The following RBFOX1 variants were observed in gnomAD, a reference collection of about 807,000 sequenced individuals.
The protein encoded by RBFOX1 is RNA binding protein fox-1 homolog 1.
RBFOX1 carries 8 observed loss-of-function variants against 57.7 expected under a neutral mutation model. The observed-to-expected ratio is 0.14, with a 90% CI of 0.08 to 0.25. The LOEUF is 0.25. Ranked by LOEUF, RBFOX1 falls within the 10% of genes least tolerant of loss-of-function variation. The pLI is 1.00. For missense variants in RBFOX1, 611 were observed against 548.5 expected (o/e 1.11, Z -1.14); for synonymous variants, 326 against 222.4 (o/e 1.47, Z -4.15).
intron 2 of RBFOX1, among the ~76,000 whole-genome samples, chr16:5,598,637 C>G (rs2047265770): frequency 6.6e-6 from 1 of 151,852 alleles, no homozygotes; most frequent in Non-Finnish European, 1.5e-5. Context: ...TCATCATGTC[C>G]TGAAAACCCA....
intron 4 of RBFOX1, among the ~76,000 whole-genome samples, chr16:7,356,981 G>C (rs914859918): frequency 5.9e-5 from 9 of 152,182 alleles, no homozygotes; most frequent in Non-Finnish European, 1.3e-4. Context: ...TGTGAATGCT[G>C]AGGGCCCCTC....
rs534158429 is a variant in RBFOX1 at position 7,310,075 on chromosome 16, G to A, written c.28-208072G>A. On this transcript the variant is annotated intron_variant, in intron 4 of 15. Transcript: ENST00000550418. ...TGCCTCACCCAGCCCTATTGAGGGC[G>A]GCTGTGTCAGATAGGGTCAGCTCTC... Among the ~76,000 whole-genome samples the A allele has an allele frequency of 7.2e-5, 11 of 152,196 alleles. No homozygotes were observed. In the East Asian group the frequency reaches 9.6e-4, roughly 13 times the overall value.
In RBFOX1 at chr16:5,573,851, G is replaced by A. The variant is rs999228992; in HGVS notation, c.259-25051G>A. On this transcript the variant is annotated intron_variant, in intron 2 of 2. Coordinates refer to the RBFOX1 transcript ENST00000585867. ...TGCCTGTAGTCCCAGCTACTTGGGA[G>A]GCTGATGTGTGAGGATCACCTGAGC... 7.2e-5 allele frequency among the ~76,000 whole-genome samples: 11 copies of A among 152,174 alleles called. No individual in the cohort carries two copies. The East Asian group carries it at 2.1e-3, about 29-fold the overall frequency.
At chr16:5,365,054 C>G (rs1388674683) in intron 1 of RBFOX1, among the ~76,000 whole-genome samples, 1 of 152,082 alleles carries the variant, frequency 6.6e-6, no homozygotes, top group Non-Finnish European at 1.5e-5. Flanking sequence ...GGTGATTCCT[C>G]AGGGAGGGAG....
At chr16:7,261,164 G>T (rs193215193) in intron 4 of RBFOX1, among the ~76,000 whole-genome samples, 9 of 152,272 alleles carry the variant, frequency 5.9e-5, no homozygotes, top group Admixed American at 5.9e-4. Flanking sequence ...AGCTCCAGCC[G>T]CAGTTCTTGC....
At chr16:7,372,943 T>C (rs991792417) in intron 4 of RBFOX1, among the ~76,000 whole-genome samples, 1 of 151,924 alleles carries the variant, frequency 6.6e-6, no homozygotes, top group Non-Finnish European at 1.5e-5. Flanking sequence ...TGCATTTTTT[T>C]TTTTTTGAGA....
chr16:5,325,316 G>A (rs2064537887), intron 1 of RBFOX1, among the ~76,000 whole-genome samples: 1 of 152,084 alleles, frequency 6.6e-6, no homozygotes, highest in African/African-American at 2.4e-5. Flanking sequence ...GGAAACACGA[G>A]ACTCACTTGT....
At chr16:6,307,310 G>C (rs1567899230) in intron 1 of RBFOX1, among the ~76,000 whole-genome samples, 1 of 152,120 alleles carries the variant, frequency 6.6e-6, no homozygotes, top group Non-Finnish European at 1.5e-5. Context: ...GTGAACCCGG[G>C]AGGCGGAGCT....
chr16:6,276,499 C>T lies in RBFOX1; in HGVS notation c.-126-40496C>T, dbSNP rs112891182. Among the ~76,000 whole-genome samples the T allele has an allele frequency of 6.5e-3, 995 of 152,214 alleles. 10 individuals carry two copies. Among genetic ancestry groups the T allele is most frequent in the African/African-American group, 0.022 (905 of 41,530 alleles). On this transcript the variant is annotated intron_variant, in intron 1 of 15. Transcript: ENST00000550418. ...GATTACAGGAGTGTGCCACCATGCC[C>T]AGCGAATATTTTTTGTATTTTTTAG...
intron 1 of RBFOX1, among the ~76,000 whole-genome samples, chr16:5,389,895 A>G (rs1361465061): frequency 6.6e-6 from 1 of 151,626 alleles, no homozygotes; most frequent in Non-Finnish European, 1.5e-5. Flanking sequence ...ATGGAGCTTC[A>G]CCATGTTGCC....
rs2097264718 is a variant in RBFOX1 at position 6,207,756 on chromosome 16, T to A, written c.-126-109239T>A. 2.0e-5 allele frequency among the ~76,000 whole-genome samples: 3 copies of A among 152,102 alleles called. No homozygotes were observed. The South Asian group carries it at 6.2e-4, about 32-fold the overall frequency. On this transcript the variant is annotated intron_variant, in intron 1 of 15. Coordinates refer to ENST00000550418, the MANE Select transcript of RBFOX1 (RefSeq NM_018723.4). ...AGGCTGGAGTGCAGTGGTGCGCATG[T>A]AAGTAACTGTAGCCTCAAAGCCCTG...
At chr16:7,195,362 T>G (rs1281747695) in intron 4 of RBFOX1, among the ~76,000 whole-genome samples, 1 of 152,178 alleles carries the variant, frequency 6.6e-6, no homozygotes, top group Non-Finnish European at 1.5e-5. Flanking sequence ...AATGACCTGG[T>G]GTGCAAATTT....
intron 4 of RBFOX1, among the ~76,000 whole-genome samples, chr16:7,232,149 GA>G (rs2093536303): frequency 6.6e-6 from 1 of 151,978 alleles, no homozygotes; most frequent in South Asian, 2.1e-4. Flanking sequence ...TCAGCCTCCT[GA>G]GTAGCTGAGA....
chr16:7,003,340 G>C (rs1356498680), intron 3 of RBFOX1, among the ~76,000 whole-genome samples: 1 of 151,792 alleles, frequency 6.6e-6, no homozygotes, highest in Non-Finnish European at 1.5e-5. Context: ...AGCACTTGTA[G>C]TCCCAGCTAC....
chr16:7,045,180 C>G (rs1346548544), intron 3 of RBFOX1, among the ~76,000 whole-genome samples: 2 of 152,142 alleles, frequency 1.3e-5, no homozygotes, highest in South Asian at 2.1e-4. Context: ...TGGCCAGGGA[C>G]TCCCACTTCC....
chr16:5,785,730 T>C (rs1467531717), intron 3 of RBFOX1, among the ~76,000 whole-genome samples: 1 of 152,120 alleles, frequency 6.6e-6, no homozygotes, highest in Non-Finnish European at 1.5e-5. Flanking sequence ...TTTCTCCATG[T>C]TGTTCAGGTT....
At chr16:6,390,802 G>C (rs1475570423) in intron 2 of RBFOX1, among the ~76,000 whole-genome samples, 1 of 152,096 alleles carries the variant, frequency 6.6e-6, no homozygotes, top group Non-Finnish European at 1.5e-5. Flanking sequence ...CAAAGGTCCT[G>C]GGGCAGGAAG....
At chr16:6,510,913 A>T (rs544351586) in intron 2 of RBFOX1, among the ~76,000 whole-genome samples, 1 of 152,070 alleles carries the variant, frequency 6.6e-6, no homozygotes, top group African/African-American at 2.4e-5. Flanking sequence ...TGGCTGACTC[A>T]TAATTTTAAG....
chr16:5,698,170 A>G lies in RBFOX1; in HGVS notation c.318+99209A>G, dbSNP rs534012599. 4.6e-5 allele frequency among the ~76,000 whole-genome samples: 7 copies of G among 152,262 alleles called. 1 individual carries two copies. In the South Asian group the frequency reaches 1.2e-3, roughly 27 times the overall value. ...ATTTGAGATTTTTACATCTGTGTTG[A>G]TAAGTGAGAATGGTTTATAATTTTC... On this transcript the variant is annotated intron_variant, in intron 3 of 19. Transcript: ENST00000641259.
Sources: gnomAD v4.1 joint callset for allele counts (sites outside exome capture counted in the v4.1 genomes callset) on GRCh38, gnomAD v4.1.1 for gene constraint, MANE v1.5 for transcripts, NCBI Gene and HGNC (gene_info 2026-07-23, HGNC 2026-07-21) for gene names.